PCDHGA3: variants seen among roughly 807,000 people sequenced by gnomAD.
PCDHGA3 encodes the protein protocadherin gamma-A3.
A neutral mutation model predicts 58.5 loss-of-function variants in PCDHGA3; 40 were observed. The observed-to-expected ratio is 0.68, with a 90% CI of 0.53 to 0.89. The LOEUF is 0.89. Among genes scored for constraint, PCDHGA3 ranks in the 40% least tolerant of loss-of-function variants. The pLI is 0.00. For synonymous variants in PCDHGA3, 530 were observed against 525.7 expected (o/e 1.01, Z -0.11); for missense variants, 1,223 against 1,195.9 (o/e 1.02, Z -0.33).
chr5:141,389,660 G>A (rs1302432237), intron 1 of PCDHGA3: 4 of 1,612,338 alleles, frequency 2.5e-6, no homozygotes, highest in African/African-American at 2.7e-5. Flanking sequence ...TAGTGGCGGT[G>A]GACGCAGACT....
chr5:141,361,604 C>G, intron 1 of PCDHGA3: 1 of 1,614,040 alleles, frequency 6.2e-7, no homozygotes, highest in Non-Finnish European at 8.5e-7. Context: ...GTTTCCTACT[C>G]CATCGTAGCG....
At chr5:141,416,553 ACT>A (rs932477065) in intron 1 of PCDHGA3, 2 of 152,100 alleles carry the variant, frequency 1.3e-5, no homozygotes, top group Non-Finnish European at 2.9e-5. Context: ...AACACCTGAA[ACT>A]CTGAAAACTC....
At chr5:141,406,682 ATTC>A (rs1390945950) in intron 1 of PCDHGA3, among the ~76,000 whole-genome samples, 1 of 152,216 alleles carries the variant, frequency 6.6e-6, no homozygotes, top group Non-Finnish European at 1.5e-5. Flanking sequence ...ATAGTAGGAC[ATTC>A]TTCTTTTCTA....
chr5:141,438,180 A>G (rs2097937602), intron 1 of PCDHGA3, among the ~76,000 whole-genome samples: 1 of 152,204 alleles, frequency 6.6e-6, no homozygotes, highest in African/African-American at 2.4e-5. Context: ...AATATTTTAT[A>G]AAGGATGAGA....
At chr5:141,403,317 A>G (rs576274199) in intron 1 of PCDHGA3, 2 of 1,613,974 alleles carry the variant, frequency 1.2e-6, no homozygotes, top group South Asian at 2.2e-5. Flanking sequence ...ATAGAAATAG[A>G]AGTAACTGAT....
chr5:141,502,864 G>T (rs1595824348), intron 2 of PCDHGA3, among the ~76,000 whole-genome samples: 4 of 61,548 alleles, frequency 6.5e-5, no homozygotes, highest in African/African-American at 2.4e-4. Flanking sequence ...CTGACTCTCT[G>T]TCTTTTTTTT....
rs1248983040 is a variant in PCDHGA3, at chr5:141,476,937, G to T, written c.2425-17870G>T. 3.1e-6 allele frequency: 5 copies of T among 1,614,186 alleles called. No homozygotes were observed. Among genetic ancestry groups the T allele is most frequent in the Non-Finnish European group, 4.2e-6 (5 of 1,180,050 alleles). The stretch of plus-strand genomic sequence containing the variant: ...GTCCTTGCAACGGATCTGGATGAAG[G>T]CCCCAACGGTGAAATTATTTACTCC... On this transcript the variant is annotated intron_variant, in intron 1 of 3. Coordinates refer to ENST00000253812, the MANE Select transcript of PCDHGA3 (RefSeq NM_018916.4). This position sits in a 1 kb window ranked among gnomAD's most constrained non-coding sequence, Gnocchi z 7.6.
chr5:141,403,753 C>T lies in PCDHGA3; in HGVS notation c.2424+57296C>T, dbSNP rs767515334. 1.5e-5 allele frequency: 25 copies of T among 1,613,504 alleles called. No homozygotes were observed. In the South Asian group the frequency reaches 2.6e-4, roughly 17 times the overall value. On this transcript the variant is annotated intron_variant, in intron 1 of 3. Transcript: ENST00000253812. ...CCTGGCTGCTTACTGCAACAGCCAG[C>T]GACCTGGATGAGGGAATCAACGGAA...
intron 1 of PCDHGA3, chr5:141,402,959 G>C: frequency 1.2e-5 from 19 of 1,604,470 alleles, no homozygotes; most frequent in Non-Finnish European, 1.5e-5. Context: ...AGCAATGGCA[G>C]CTCCAACCAA....
chr5:141,375,100 T>A lies in PCDHGA3; in HGVS notation c.2424+28643T>A, dbSNP rs921904476. 5 of 1,613,834 alleles carry A rather than the reference T, an allele frequency of 3.1e-6. No individual in the cohort carries two copies. The African/African-American group carries it at 6.7e-5, about 22-fold the overall frequency. On this transcript the variant is annotated intron_variant, in intron 1 of 3. Transcript: ENST00000253812. The stretch of plus-strand genomic sequence containing the variant: ...CGAAAGTCTTAATAACTATCTTGGA[T>A]GTCAATGATAATGTACCAGAAGTGG...
intron 1 of PCDHGA3, chr5:141,387,677 C>A (rs1256771366): frequency 1.8e-5 from 13 of 740,970 alleles, no homozygotes; most frequent in South Asian, 4.0e-5. Context: ...GATCTCCTCG[C>A]GCAGCCGCAG....
chr5:141,389,430 C>T (rs2091763189), intron 1 of PCDHGA3: 1 of 1,610,546 alleles, frequency 6.2e-7, no homozygotes, highest in Non-Finnish European at 8.5e-7. Context: ...GTTCGCGCAG[C>T]GCGCCTTCGA....
chr5:141,481,970 A>G (rs2099549884), intron 1 of PCDHGA3, among the ~76,000 whole-genome samples: 1 of 151,510 alleles, frequency 6.6e-6, no homozygotes, highest in Non-Finnish European at 1.5e-5. Flanking sequence ...CTGTAGTCAC[A>G]GCTACTTGGG....
In PCDHGA3 at chr5:141,344,151, G is replaced by C. The variant is rs76939403; in HGVS notation, c.118G>C (p.Asp40His). 1.1e-5 allele frequency: 17 copies of C among 1,614,062 alleles called. No individual in the cohort carries two copies. In the East Asian group the frequency reaches 3.8e-4, roughly 36 times the overall value. The change falls in exon 1 of 4, where the codon GAT (aspartate) becomes CAT (histidine). Residue 40 changes from aspartate (D) to histidine (H), a missense_variant. Asp to His is a moderately conservative substitution (Grantham distance 81). Transcript: ENST00000253812. ...CCGCTACTCGGTGTCTGAGGAGCTAGATAAAGGTTCCTTCGTGGGCAACAT... is the reference window on the plus strand; with the variant it reads ...CCGCTACTCGGTGTCTGAGGAGCTACATAAAGGTTCCTTCGTGGGCAACAT... ...QIRYSVSEEL[D>H]KGSFVGNIAN... is the part of the protein sequence containing the mutation.
intron 1 of PCDHGA3, chr5:141,421,223 C>T: frequency 6.3e-7 from 1 of 1,580,314 alleles, no homozygotes. Context: ...GGCTTAGAGC[C>T]TGCCATGGCG....
chr5:141,439,965 T>C (rs1212358198), intron 1 of PCDHGA3: 1 of 152,760 alleles, frequency 6.5e-6, no homozygotes, highest in Non-Finnish European at 1.5e-5. Flanking sequence ...CGTTATTCAG[T>C]CCTAGAGGAG....
chr5:141,438,895 A>C (rs2098073582), intron 1 of PCDHGA3, among the ~76,000 whole-genome samples: 1 of 151,640 alleles, frequency 6.6e-6, no homozygotes, highest in Non-Finnish European at 1.5e-5. Flanking sequence ...TGAACTCCTG[A>C]CCTCAGGTGA....
At chr5:141,433,422 A>G (rs1172678396) in intron 1 of PCDHGA3, among the ~76,000 whole-genome samples, 1 of 150,646 alleles carries the variant, frequency 6.6e-6, no homozygotes, top group Admixed American at 6.6e-5. Context: ...TCTTGTACAG[A>G]CAGGAGTCTC....
intron 1 of PCDHGA3, chr5:141,410,075 GAGGTGCGCAC>G: frequency 6.2e-7 from 1 of 1,612,898 alleles, no homozygotes; most frequent in East Asian, 2.2e-5. Context: ...GCGCACTGGG[GAGGTGCGCAC>G]GGCTCGAGCC....
Sources: gnomAD v4.1 joint callset for allele counts (sites outside exome capture counted in the v4.1 genomes callset) on GRCh38, gnomAD v4.1.1 for gene constraint, Gnocchi (gnomAD v3.1) non-coding constraint, MANE v1.5 for transcripts, NCBI Gene and HGNC (gene_info 2026-07-23, HGNC 2026-07-21) for gene names.